KIAA0586: variants seen among roughly 807,000 people sequenced by gnomAD.
KIAA0586 encodes the protein protein TALPID3.
KIAA0586 carries 144 observed loss-of-function variants against 169.8 expected under a neutral mutation model. That is an observed-to-expected ratio of 0.85 (90% CI 0.74 to 0.97). The LOEUF is 0.97. Ranked by LOEUF, KIAA0586 falls within the 50% of genes least tolerant of loss-of-function variation. KIAA0586 has a pLI of 0.00. For synonymous variants in KIAA0586, 625 were observed against 612.4 expected, an observed-to-expected ratio of 1.02 and a Z score of -0.30; for missense variants, 1,854 against 1,823.0, an observed-to-expected ratio of 1.02 and a Z score of -0.31.
downstream of KIAA0586, among the ~76,000 whole-genome samples, chr14:58,552,187 A>G (rs1405262865): frequency 6.6e-6 from 1 of 152,222 alleles, no homozygotes; most frequent in Non-Finnish European, 1.5e-5. Context: ...GAAATGCACT[A>G]GAGAAAAGCC....
At position 58,527,506 on chromosome 14, in the gene KIAA0586, C is replaced by G. The variant is rs376429793; in HGVS notation, c.4430-12565C>G. Among the ~76,000 whole-genome samples the G allele has an allele frequency of 2.6e-5, 4 of 152,302 alleles. 1 individual carries two copies. On this transcript the variant is annotated intron_variant, in intron 29 of 30. Coordinates refer to ENST00000652326, the MANE Select transcript of KIAA0586 (RefSeq NM_001329943.3). ...AGCCCATAAGACTAACAGTGGCTCTCTCTGCGGAAACCCTACAAGCCAGAA... is the reference window on the plus strand; with the variant it reads ...AGCCCATAAGACTAACAGTGGCTCTGTCTGCGGAAACCCTACAAGCCAGAA...
chr14:58,484,157 T>C (rs752870328), intron 21 of KIAA0586, among the ~76,000 whole-genome samples: 4 of 152,178 alleles, frequency 2.6e-5, no homozygotes, highest in Non-Finnish European at 5.9e-5. Context: ...GCTCCACTAC[T>C]TTAGTTTTAT....
At chr14:58,511,551 C>T (rs923206102) in intron 28 of KIAA0586, among the ~76,000 whole-genome samples, 121 of 152,274 alleles carry the variant, frequency 7.9e-4, no homozygotes, top group African/African-American at 2.4e-3. Flanking sequence ...CCAATAGAAA[C>T]GTTCAAAGTC....
chr14:58,513,992 T>G (rs1446252412), intron 29 of KIAA0586, among the ~76,000 whole-genome samples: 1 of 152,066 alleles, frequency 6.6e-6, no homozygotes, highest in Non-Finnish European at 1.5e-5. Flanking sequence ...CATTTAATTT[T>G]ACATCTAATA....
At chr14:58,471,076 T>C (rs1374250164) in intron 17 of KIAA0586, among the ~76,000 whole-genome samples, 2 of 152,152 alleles carry the variant, frequency 1.3e-5, no homozygotes, top group Admixed American at 6.6e-5. Context: ...GATCTTGAAC[T>C]CCTGACTCCA....
intron 29 of KIAA0586, among the ~76,000 whole-genome samples, chr14:58,524,882 T>C (rs568901653): frequency 6.6e-6 from 1 of 152,270 alleles, no homozygotes; most frequent in South Asian, 2.1e-4. Flanking sequence ...CACCCAGCTA[T>C]TTTTAGTAGA....
At chr14:58,486,650 A>G (rs2042465350) in intron 21 of KIAA0586, among the ~76,000 whole-genome samples, 1 of 152,264 alleles carries the variant, frequency 6.6e-6, no homozygotes, top group Non-Finnish European at 1.5e-5. Context: ...ACAAAAATTA[A>G]AAATAAAAAT....
In KIAA0586 at chr14:58,450,717, A is replaced by G. The variant is rs1264083440; in HGVS notation, c.1100A>G (p.Lys367Arg). The G allele has an allele frequency of 6.2e-7, 1 of 1,607,228 alleles. No individual in the cohort carries two copies. Among genetic ancestry groups the G allele is most frequent in the Non-Finnish European group, 8.5e-7 (1 of 1,174,274 alleles). Residue 367 changes from lysine to arginine, a missense_variant, in exon 8 of 31, where the codon AAA (lysine) becomes AGA (arginine). By Grantham distance (26) the Lys-to-Arg change is conservative. Transcript: ENST00000652326. ...AAGAGGGAAAATCTTTTGGAAGAAA[A>G]AGAAAATATGGAAGTGTCGTGTCAC... ...LSKRENLLEE[K>R]ENMEVSCHRG...
At position 58,458,502 on chromosome 14, in the gene KIAA0586, A is replaced by T; in HGVS notation, c.1613A>T (p.Lys538Met). 1 of 1,547,506 alleles carries T rather than the reference A, an allele frequency of 6.5e-7. No individual in the cohort carries two copies. The highest frequency in any genetic ancestry group is 8.7e-7 in the Non-Finnish European group (1 of 1,143,856). The change falls in exon 12 of 31, where the codon AAG becomes ATG. Residue 538 changes from lysine (K) to methionine (M), a missense_variant. Physicochemically the swap from Lys to Met is moderately conservative, Grantham distance 95. Coordinates refer to ENST00000652326, the MANE Select transcript of KIAA0586 (RefSeq NM_001329943.3). The part of the protein sequence containing the change: ...REMSEKIRIR[K>M]TVDEWIKTIS... ...ATGTCAGAGAAAATTAGGATCAGAA[A>T]GACAGTGGATGAATGGATTAAAACT...
intron 1 of KIAA0586, 111 bp downstream of exon 1, chr14:58,428,574 A>G: frequency 1.3e-6 from 1 of 766,022 alleles, no homozygotes. Flanking sequence ...CAGATGTTTG[A>G]AAACTGACCC....
At chr14:58,524,899 G>A (rs1195507599) in intron 29 of KIAA0586, among the ~76,000 whole-genome samples, 1 of 152,164 alleles carries the variant, frequency 6.6e-6, no homozygotes, top group Non-Finnish European at 1.5e-5. Flanking sequence ...TAGAGATGGG[G>A]TTTCACCATG....
At position 58,547,910 on chromosome 14, in the gene KIAA0586, C is replaced by T. The variant is rs759463317; in HGVS notation, c.4625C>T (p.Ser1542Phe). 74 of 1,613,544 alleles carry T rather than the reference C, an allele frequency of 4.6e-5. No homozygotes were observed. The highest frequency in any genetic ancestry group is 6.2e-5 in the Non-Finnish European group (73 of 1,179,740). ...SLSTMQEDME[S>F]SGADTF Reference sequence around the variant, plus strand: ...AGCACAATGCAGGAGGACATGGAGTCTTCGGGGGCAGATACCTTCTGAACG... The same window carrying T: ...AGCACAATGCAGGAGGACATGGAGTTTTCGGGGGCAGATACCTTCTGAACG... Residue 1542 changes from serine to phenylalanine, a missense_variant, in exon 31 of 31, where the codon TCT becomes TTT. By Grantham distance (155) the Ser-to-Phe change is radical. Coordinates refer to ENST00000652326, the MANE Select transcript of KIAA0586 (RefSeq NM_001329943.3).
intron 4 of KIAA0586, chr14:58,439,721 C>T (rs2038140117): frequency 2.1e-6 from 1 of 469,604 alleles, no homozygotes; most frequent in Admixed American, 6.4e-5. Context: ...ATGACTTCAA[C>T]ATTTTGAGAC....
chr14:58,549,127 C>G lies in KIAA0586; in HGVS notation c.*1195C>G, dbSNP rs1436810151. ...CCTAGCACTAGTGAAAAAAATTTAC[C>G]TCCCAGAAAAATCATTTTCTGTCAC... On this transcript the variant is annotated 3_prime_UTR_variant, in exon 31 of 31. Transcript: ENST00000652326. The G allele has an allele frequency of 6.6e-6, 1 of 152,076 alleles. No homozygotes were observed. The highest frequency in any genetic ancestry group is 1.9e-4 in the East Asian group (1 of 5,192). 9.4% of individuals were successfully genotyped at this position (152,076 alleles called of 1,614,324 possible).
intron 14 of KIAA0586, among the ~76,000 whole-genome samples, chr14:58,461,773 A>G (rs2040342194): frequency 6.6e-6 from 1 of 152,238 alleles, no homozygotes; most frequent in African/African-American, 2.4e-5. Flanking sequence ...AGTGTTGATG[A>G]GCACTTTTGC....
In KIAA0586 at chr14:58,482,722, A is replaced by T; in HGVS notation, c.3144+10A>T. 6.5e-7 allele frequency: 1 copy of T among 1,534,970 alleles called. No homozygotes were observed. Among genetic ancestry groups the T allele is most frequent in the Non-Finnish European group, 8.8e-7 (1 of 1,138,104 alleles). ...TGAAACATATTTGCCGGTATGGGGA[A>T]TTTTTGAGACATTTATTGAAGAATA... On this transcript the variant is annotated intron_variant, in intron 21 of 30. Transcript: ENST00000652326.
intron 3 of KIAA0586, 77 bp downstream of exon 3, chr14:58,430,794 G>C: frequency 2.6e-6 from 2 of 768,808 alleles, no homozygotes; most frequent in South Asian, 1.8e-5. Flanking sequence ...AAAATGTACA[G>C]TTCTGTGACA....
chr14:58,448,295 T>G (rs2039073123), intron 6 of KIAA0586, 45 bp from the exon 7 acceptor site: 1 of 1,232,438 alleles, frequency 8.1e-7, no homozygotes, highest in African/African-American at 1.5e-5. Flanking sequence ...ATCTAACTCT[T>G]TCAAATGATA....
At chr14:58,512,900 T>C (rs2044490772) in intron 29 of KIAA0586, among the ~76,000 whole-genome samples, 2 of 152,064 alleles carry the variant, frequency 1.3e-5, no homozygotes, top group Non-Finnish European at 2.9e-5. Context: ...TTCAATTGAA[T>C]ACCAAGGTCT....
Sources: allele counts gnomAD v4.1 joint callset (sites outside exome capture counted in the v4.1 genomes callset), GRCh38; gene constraint gnomAD v4.1.1; transcripts MANE v1.5; gene names NCBI Gene and HGNC (gene_info 2026-07-23, HGNC 2026-07-21).